Variants in SMARCA2 observed in about 807,000 individuals in gnomAD.
The protein encoded by SMARCA2 is SWI/SNF-related matrix-associated actin-dependent regulator of chromatin subfamily A member 2.
In SMARCA2, 61 loss-of-function variants were observed where a neutral mutation model predicts 199.8. The observed-to-expected ratio is 0.31, with a 90% confidence interval of 0.25 to 0.38. The LOEUF (loss-of-function observed/expected upper bound fraction) is 0.38, where lower values mean the gene tolerates loss of function less well. SMARCA2 is among the 10% of genes least tolerant of loss of function. SMARCA2 has a pLI of 1.00. For missense variants in SMARCA2, 1,344 were observed against 2,012.2 expected (o/e 0.67, Z 6.35); for synonymous variants, 935 against 732.0 (o/e 1.28, Z -4.48).
At position 2,193,030 on chromosome 9, in the gene SMARCA2, G is replaced by A. The variant is rs1342223161; in HGVS notation, c.*291G>A. 3 of 331,296 alleles carry A rather than the reference G, an allele frequency of 9.1e-6. No homozygotes were observed. Among genetic ancestry groups the A allele is most frequent in the South Asian group, 7.4e-5 (1 of 13,536 alleles). 20.5% of individuals were successfully genotyped at this position (331,296 alleles called of 1,614,324 possible). A position where few individuals can be genotyped will look rare whatever the true frequency, so the allele number is the denominator to read the frequency against. On this transcript the variant is annotated 3_prime_UTR_variant, in exon 34 of 34. Coordinates refer to ENST00000349721, the MANE Select transcript of SMARCA2 (RefSeq NM_003070.5). The stretch of plus-strand genomic sequence containing the variant: ...GGGTGGATAGTATATTTCTATGGGT[G>A]GGTCTAATTTGGTAACGGTTTGATT...
Position 2,114,335 on chromosome 9 carries a change from C to T in SMARCA2, c.3457-1487C>T, listed in dbSNP as rs547936959. ...AATATCTGCTGAGGAAGAAGTTTTG[C>T]CTAATTGGCTACTTAATTTTAAAGG... On this transcript the variant is annotated intron_variant, in intron 24 of 33. Coordinates refer to ENST00000349721, the MANE Select transcript of SMARCA2 (RefSeq NM_003070.5). 2.6e-5 allele frequency among the ~76,000 whole-genome samples: 4 copies of T among 152,224 alleles called. No individual in the cohort carries two copies. The South Asian group carries it at 8.3e-4, about 32-fold the overall frequency.
chr9:2,081,329 T>G (rs1456967931), intron 14 of SMARCA2, among the ~76,000 whole-genome samples: 1 of 152,182 alleles, frequency 6.6e-6, no homozygotes, highest in Non-Finnish European at 1.5e-5. Context: ...CTGGGAACTT[T>G]CTCTCTGCCA....
intron 9 of SMARCA2, among the ~76,000 whole-genome samples, chr9:2,068,279 A>C (rs760632284): frequency 6.6e-6 from 1 of 152,178 alleles, no homozygotes; most frequent in Non-Finnish European, 1.5e-5. Context: ...GAGCTTATAA[A>C]TGTTTTTGCT....
At chr9:2,070,393 A>G in intron 9 of SMARCA2, 25 bp from the exon 10 acceptor site, 4 of 1,609,602 alleles carry the variant, frequency 2.5e-6, no homozygotes, top group South Asian at 1.1e-5. Context: ...GGTTACTTAT[A>G]ACATTCGACA....
intron 29 of SMARCA2, among the ~76,000 whole-genome samples, chr9:2,176,373 G>C (rs907560487): frequency 1.3e-5 from 2 of 151,956 alleles, no homozygotes; most frequent in Non-Finnish European, 2.9e-5. Flanking sequence ...GCCCAGAGTA[G>C]ATTACCAAAA....
Position 2,170,544 on chromosome 9 carries a change from T to C in SMARCA2, c.4253+72T>C. ...TCGTTACGTGAAACAGATTGAATCA[T>C]ATAATCGGCCTTTGGAAGCAAATTT... On this transcript the variant is annotated intron_variant, in intron 29 of 33. Coordinates refer to ENST00000349721, the MANE Select transcript of SMARCA2 (RefSeq NM_003070.5). This position sits in a 1 kb window ranked among gnomAD's most constrained non-coding sequence, Gnocchi z 4.7. 6.2e-7 allele frequency: 1 copy of C among 1,610,552 alleles called. No individual in the cohort carries two copies. Among genetic ancestry groups the C allele is most frequent in the South Asian group, 1.1e-5 (1 of 90,470 alleles).
chr9:2,163,632 A>T (rs115930753), intron 28 of SMARCA2, among the ~76,000 whole-genome samples: 3 of 152,152 alleles, frequency 2.0e-5, no homozygotes, highest in Admixed American at 1.3e-4. Flanking sequence ...ATATACATCA[A>T]ACTTTTTTGC....
chr9:2,192,900 G>T lies in SMARCA2; in HGVS notation c.*161G>T, dbSNP rs1048146572. The T allele has an allele frequency of 1.6e-6, 1 of 608,428 alleles. No individual in the cohort carries two copies. Among genetic ancestry groups the T allele is most frequent in the Non-Finnish European group, 3.0e-6 (1 of 338,902 alleles). 37.7% of individuals were successfully genotyped at this position (608,428 alleles called of 1,614,324 possible). On this transcript the variant is annotated 3_prime_UTR_variant, in exon 34 of 34. Coordinates refer to ENST00000349721, the MANE Select transcript of SMARCA2 (RefSeq NM_003070.5). ...TGCCAGACAAACATATGATATCATG[G>T]TGTAAAAAACACACACATACACAAA...
At chr9:2,116,975 A>G (rs1020337549) in intron 25 of SMARCA2, among the ~76,000 whole-genome samples, 1 of 152,172 alleles carries the variant, frequency 6.6e-6, no homozygotes, top group Admixed American at 6.5e-5. Context: ...GCATTCTTCT[A>G]TAAATTATGA....
intron 31 of SMARCA2, among the ~76,000 whole-genome samples, chr9:2,184,866 C>T (rs1586812266): frequency 6.6e-6 from 1 of 152,046 alleles, no homozygotes; most frequent in South Asian, 2.1e-4. Context: ...CTCTCTCGCG[C>T]GGGTCCTTTG....
At chr9:2,184,561 G>T (rs1827294814) in intron 31 of SMARCA2, among the ~76,000 whole-genome samples, 1 of 151,496 alleles carries the variant, frequency 6.6e-6, no homozygotes, top group African/African-American at 2.4e-5. Context: ...CACCATGTTG[G>T]CCGGGCTGGT....
chr9:2,040,036 GCTCCA>G (rs1819537342), intron 4 of SMARCA2, 136 bp downstream of exon 4: 1 of 1,462,556 alleles, frequency 6.8e-7, no homozygotes, highest in African/African-American at 1.4e-5. Context: ...CTCTATCCTT[GCTCCA>G]CTTAGATGGC....
intron 26 of SMARCA2, among the ~76,000 whole-genome samples, chr9:2,120,385 G>A (rs1823404567): frequency 1.3e-5 from 2 of 152,206 alleles, no homozygotes; most frequent in Admixed American, 6.5e-5. Flanking sequence ...GAGCTGCAAG[G>A]TAGAAATGTG....
intron 19 of SMARCA2, among the ~76,000 whole-genome samples, chr9:2,091,088 A>C (rs1023048214): frequency 6.6e-6 from 1 of 152,148 alleles, no homozygotes; most frequent in African/African-American, 2.4e-5. Flanking sequence ...AGAGGCTTTT[A>C]CTTTTATTTT....
At chr9:2,036,266 A>G (rs1819328097) in intron 3 of SMARCA2, among the ~76,000 whole-genome samples, 1 of 152,038 alleles carries the variant, frequency 6.6e-6, no homozygotes, top group Non-Finnish European at 1.5e-5. Flanking sequence ...AAGATTATTA[A>G]TAGGAGAGAG....
intron 27 of SMARCA2, among the ~76,000 whole-genome samples, chr9:2,139,255 A>G (rs1002482502): frequency 2.0e-4 from 31 of 152,352 alleles, no homozygotes; most frequent in Admixed American, 1.8e-3. Flanking sequence ...CATGTGGGAG[A>G]TGGAGTTAGT....
chr9:2,193,318 GTATAAGATT>G lies in SMARCA2; in HGVS notation c.*583_*591del, dbSNP rs1255534031. On this transcript the variant is annotated 3_prime_UTR_variant, in exon 34 of 34. Transcript: ENST00000349721. ...GATCTGAACAAAAGCTTTTTGAATT[GTATAAGATT>G]TATGTCTACTGTAAACATTGCTTAA... 2 of 152,656 alleles carry G rather than the reference GTATAAGATT, an allele frequency of 1.3e-5. No homozygotes were observed. The highest frequency in any genetic ancestry group is 2.9e-5 in the Non-Finnish European group (2 of 68,026). The allele number at this position is 152,656 out of a possible 1,614,324, so 9.5% of individuals were successfully genotyped here.
chr9:2,063,697 T>A (rs771804955), intron 9 of SMARCA2, among the ~76,000 whole-genome samples: 1 of 151,992 alleles, frequency 6.6e-6, no homozygotes, highest in African/African-American at 2.4e-5. Context: ...TAATTTAATC[T>A]GAAAAAGATT....
At chr9:2,122,023 T>C (rs982205693) in intron 26 of SMARCA2, among the ~76,000 whole-genome samples, 1 of 152,264 alleles carries the variant, frequency 6.6e-6, no homozygotes, top group Non-Finnish European at 1.5e-5. Flanking sequence ...GAATTAATTA[T>C]ATTGGTATTT....
Sources: allele counts gnomAD v4.1 joint callset (sites outside exome capture counted in the v4.1 genomes callset), GRCh38; gene constraint gnomAD v4.1.1; non-coding constraint Gnocchi (gnomAD v3.1); transcripts MANE v1.5; gene names NCBI Gene and HGNC (gene_info 2026-07-23, HGNC 2026-07-21).